DPP10: variants seen among roughly 807,000 people sequenced by gnomAD.
DPP10 encodes dipeptidyl peptidase like 10, also known as inactive dipeptidyl peptidase 10.
In DPP10, 33 loss-of-function variants were observed where a neutral mutation model predicts 120.9. The ratio of observed to expected loss-of-function variants is 0.27; its 90% CI spans 0.21 to 0.37. The LOEUF (loss-of-function observed/expected upper bound fraction) is 0.37, where lower values mean the gene tolerates loss of function less well. DPP10 is among the 10% of genes least tolerant of loss of function. The pLI is 1.00. For synonymous variants in DPP10, 337 were observed against 326.1 expected, an observed-to-expected ratio of 1.03 and a Z score of -0.36; for missense variants, 816 against 942.8, an observed-to-expected ratio of 0.87 and a Z score of 1.76.
rs558592745 is a variant in DPP10 at position 114,577,443 on chromosome 2, C to T, written c.60+134605C>T. Among the ~76,000 whole-genome samples, 13 of 152,270 alleles carry T rather than the reference C, an allele frequency of 8.5e-5. No homozygotes were observed. In the South Asian group the frequency reaches 2.1e-3, roughly 24 times the overall value. ...CCAGTATCACATACCTGGGACCCAC[C>T]GGACTCATGGGCTTCCAATAAGAGT... On this transcript the variant is annotated intron_variant, in intron 1 of 25. Coordinates refer to ENST00000410059, the MANE Select transcript of DPP10 (RefSeq NM_020868.6).
At chr2:114,826,126 T>C (rs887171125) in intron 1 of DPP10, among the ~76,000 whole-genome samples, 3 of 152,182 alleles carry the variant, frequency 2.0e-5, no homozygotes, top group African/African-American at 4.8e-5. Flanking sequence ...AAATACCTGG[T>C]TTGTAGCATT....
chr2:114,717,673 C>A (rs1041132201), intron 1 of DPP10, among the ~76,000 whole-genome samples: 1 of 152,130 alleles, frequency 6.6e-6, no homozygotes, highest in South Asian at 2.1e-4. Flanking sequence ...TAATGAATGC[C>A]ATAATCAGCT....
intron 3 of DPP10, among the ~76,000 whole-genome samples, chr2:115,381,983 G>T (rs1574642266): frequency 1.3e-5 from 2 of 152,168 alleles, no homozygotes; most frequent in African/African-American, 4.8e-5. Context: ...ATTTACGTCT[G>T]CAGAGGTTAC....
chr2:115,195,601 C>T (rs1425041540), intron 1 of DPP10, among the ~76,000 whole-genome samples: 1 of 152,122 alleles, frequency 6.6e-6, no homozygotes, highest in Non-Finnish European at 1.5e-5. Flanking sequence ...ATTATTATTA[C>T]ATTTTTTTGT....
chr2:114,589,037 T>TG (rs3981303), intron 1 of DPP10, among the ~76,000 whole-genome samples: 2,973 of 102,218 alleles, frequency 0.029, 77 homozygotes, highest in African/African-American at 0.047. Context: ...AAGGTTTTTT[T>TG]GGGGGGGGGG....
chr2:115,328,408 C>A (rs1365571756), intron 2 of DPP10, among the ~76,000 whole-genome samples: 2 of 151,930 alleles, frequency 1.3e-5, no homozygotes, highest in Non-Finnish European at 2.9e-5. Flanking sequence ...ATGAGTAAAT[C>A]CTAAAGCTCT....
chr2:115,240,062 T>TA (rs1451909479), intron 1 of DPP10, among the ~76,000 whole-genome samples: 1 of 152,230 alleles, frequency 6.6e-6, no homozygotes, highest in Non-Finnish European at 1.5e-5. Context: ...GCAATAAACA[T>TA]ACGTGTGCAT....
At position 114,652,298 on chromosome 2, in the gene DPP10, G is replaced by A. The variant is rs1178473510; in HGVS notation, c.60+209460G>A. Among the ~76,000 whole-genome samples, 4 of 152,162 alleles carry A rather than the reference G, an allele frequency of 2.6e-5. No individual in the cohort carries two copies. In the East Asian group the frequency reaches 7.7e-4, roughly 29 times the overall value. On this transcript the variant is annotated intron_variant, in intron 1 of 25. Coordinates refer to ENST00000410059, the MANE Select transcript of DPP10 (RefSeq NM_020868.6). Reference sequence around the variant, plus strand: ...ATATAATTTCTACCTAATTAAGGAGGCAGGCACACAGGCAAAAAGGTAAAT... The same window carrying A: ...ATATAATTTCTACCTAATTAAGGAGACAGGCACACAGGCAAAAAGGTAAAT...
intron 1 of DPP10, among the ~76,000 whole-genome samples, chr2:114,866,631 G>A (rs1690257873): frequency 6.6e-6 from 1 of 152,176 alleles, no homozygotes; most frequent in Admixed American, 6.5e-5. Flanking sequence ...GAGATGTTAA[G>A]TAATTTGCCC....
chr2:114,761,584 G>T (rs1037062304), intron 1 of DPP10, among the ~76,000 whole-genome samples: 12 of 152,168 alleles, frequency 7.9e-5, no homozygotes, highest in African/African-American at 2.7e-4. Flanking sequence ...ACCCCTTTGT[G>T]CACAGCATCC....
intron 1 of DPP10, among the ~76,000 whole-genome samples, chr2:115,035,345 C>G (rs1704155660): frequency 6.6e-6 from 1 of 152,160 alleles, no homozygotes. Context: ...TTTGTAGAAG[C>G]CCATTTTTAT....
At chr2:114,443,779 C>T (rs1677792690) in intron 1 of DPP10, among the ~76,000 whole-genome samples, 1 of 151,064 alleles carries the variant, frequency 6.6e-6, no homozygotes, top group African/African-American at 2.4e-5. Flanking sequence ...CATTAACATA[C>T]AAGTGCATAC....
intron 1 of DPP10, among the ~76,000 whole-genome samples, chr2:115,126,848 G>A (rs564397533): frequency 6.6e-6 from 1 of 152,208 alleles, no homozygotes; most frequent in African/African-American, 2.4e-5. Flanking sequence ...TTGAGTAGGG[G>A]GTTCTTGAAA....
At chr2:114,804,238 T>G (rs1478134363) in intron 1 of DPP10, among the ~76,000 whole-genome samples, 1 of 152,174 alleles carries the variant, frequency 6.6e-6, no homozygotes, top group African/African-American at 2.4e-5. Flanking sequence ...AGAAGATGTA[T>G]GGAAATGCCT....
At chr2:115,801,149 A>G (rs1685187241) in intron 19 of DPP10, among the ~76,000 whole-genome samples, 1 of 151,880 alleles carries the variant, frequency 6.6e-6, no homozygotes. Flanking sequence ...GAGGTCCTTC[A>G]CATCCCTTGT....
At chr2:114,969,162 C>A (rs764466924) in intron 1 of DPP10, among the ~76,000 whole-genome samples, 3 of 152,156 alleles carry the variant, frequency 2.0e-5, no homozygotes, top group Non-Finnish European at 4.4e-5. Context: ...GGTGTAGTTT[C>A]AACACTTCTG....
chr2:115,790,300 C>T (rs1042399542), intron 17 of DPP10, among the ~76,000 whole-genome samples: 2 of 151,452 alleles, frequency 1.3e-5, no homozygotes, highest in Non-Finnish European at 2.9e-5. Context: ...AGGATGGTCT[C>T]GATCTCCTGA....
intron 1 of DPP10, among the ~76,000 whole-genome samples, chr2:115,092,685 T>A (rs1709368081): frequency 6.6e-6 from 1 of 152,184 alleles, no homozygotes; most frequent in Admixed American, 6.5e-5. Context: ...TGTGTTATAT[T>A]AGAAAATGCA....
intron 2 of DPP10, among the ~76,000 whole-genome samples, chr2:115,317,318 C>G (rs1201935474): frequency 1.3e-5 from 2 of 152,140 alleles, no homozygotes; most frequent in Non-Finnish European, 2.9e-5. Flanking sequence ...TAACATCTTT[C>G]ACTTTGCATG....
Sources: allele counts gnomAD v4.1 joint callset (sites outside exome capture counted in the v4.1 genomes callset), GRCh38; gene constraint gnomAD v4.1.1; transcripts MANE v1.5; gene names NCBI Gene and HGNC (gene_info 2026-07-23, HGNC 2026-07-21).